Variants in TDRD12 observed in about 807,000 individuals in gnomAD.
The protein encoded by TDRD12 is tudor domain containing 12.
TDRD12 carries 158 observed loss-of-function variants against 133.5 expected under a neutral mutation model. That is an observed-to-expected ratio of 1.18 (90% CI 1.04 to 1.35). The LOEUF (loss-of-function observed/expected upper bound fraction) is 1.35. TDRD12 is among the 40% of genes most tolerant of loss of function. The pLI is 0.00. For missense variants in TDRD12, 1,443 were observed against 1,321.3 expected, an observed-to-expected ratio of 1.09 and a Z score of -1.43; for synonymous variants, 460 against 477.9, an observed-to-expected ratio of 0.96 and a Z score of 0.49.
At chr19:32,811,457 T>C in intron 24 of TDRD12, 37 bp downstream of exon 24, 1 of 1,489,676 alleles carries the variant, frequency 6.7e-7, no homozygotes, top group Non-Finnish European at 9.0e-7. Context: ...TGTTGACTTT[T>C]AGAATATATT....
chr19:32,734,395 G>C (rs1205417989), intron 2 of TDRD12, among the ~76,000 whole-genome samples: 1 of 150,160 alleles, frequency 6.7e-6, no homozygotes, highest in East Asian at 2.0e-4. Flanking sequence ...TTGAAGATGG[G>C]GGTCTCACTC....
intron 8 of TDRD12, among the ~76,000 whole-genome samples, chr19:32,758,473 C>CA (rs778919978): frequency 5.3e-5 from 8 of 152,130 alleles, no homozygotes; most frequent in Non-Finnish European, 1.0e-4. Context: ...TTTCTCAATC[C>CA]AGTCTGTGTA....
intron 5 of TDRD12, among the ~76,000 whole-genome samples, chr19:32,749,286 G>A (rs745520412): frequency 1.3e-5 from 2 of 152,130 alleles, no homozygotes; most frequent in Non-Finnish European, 2.9e-5. Flanking sequence ...GTCCTCAGTG[G>A]CTCAGGCAAG....
At chr19:32,772,807 C>G (rs1035419180) in exon 9 of TDRD12, 2 of 1,512,848 alleles carry the variant, frequency 1.3e-6, no homozygotes, top group African/African-American at 2.8e-5. Context: ...AAAGACAAAT[C>G]TGAAAAGAAA....
chr19:32,798,195 A>G, intron 15 of TDRD12, 113 bp from the exon 16 acceptor site: 1 of 1,022,200 alleles, frequency 9.8e-7, no homozygotes, highest in Admixed American at 2.3e-5. Context: ...GGACAGAAAC[A>G]GTGTTTTACT....
In TDRD12 at chr19:32,777,780, G is replaced by A. The variant is rs562196168; in HGVS notation, c.1121+551G>A. On this transcript the variant is annotated intron_variant, in intron 11 of 27. Coordinates refer to ENST00000444215, the Ensembl canonical transcript of TDRD12. ...CCACCTCAGCCTCCCAAGTAGCTGGGACCATAGGCATGCACCACCATAACT... is the reference window on the plus strand; with the variant it reads ...CCACCTCAGCCTCCCAAGTAGCTGGAACCATAGGCATGCACCACCATAACT... Among the ~76,000 whole-genome samples the A allele has an allele frequency of 7.3e-5, 9 of 123,804 alleles. No homozygotes were observed. In the South Asian group the frequency reaches 2.2e-3, roughly 31 times the overall value. 81.2% of individuals were successfully genotyped at this position (123,804 alleles called of 152,430 possible). A position where few individuals can be genotyped will look rare whatever the true frequency, so the allele number is the denominator to read the frequency against.
chr19:32,736,533 T>C (rs545319013), intron 2 of TDRD12, among the ~76,000 whole-genome samples: 1 of 152,254 alleles, frequency 6.6e-6, no homozygotes, highest in Non-Finnish European at 1.5e-5. Flanking sequence ...CTATTCATGG[T>C]ATTTCTACAA....
At chr19:32,803,635 T>A (rs2145706699) in intron 21 of TDRD12, among the ~76,000 whole-genome samples, 1 of 152,260 alleles carries the variant, frequency 6.6e-6, no homozygotes, top group African/African-American at 2.4e-5. Flanking sequence ...AGAGGGCAAG[T>A]GGCAGGTCAT....
At chr19:32,801,391 C>T (rs1457435014) in intron 18 of TDRD12, among the ~76,000 whole-genome samples, 1 of 152,140 alleles carries the variant, frequency 6.6e-6, no homozygotes, top group Non-Finnish European at 1.5e-5. Flanking sequence ...CTTTCTGCAG[C>T]AGTCAGCTAG....
chr19:32,741,421 G>A (rs1208911658), intron 3 of TDRD12, among the ~76,000 whole-genome samples: 2 of 152,208 alleles, frequency 1.3e-5, no homozygotes, highest in Admixed American at 6.5e-5. Flanking sequence ...TGGCATACGT[G>A]TTTATCAGAC....
intron 4 of TDRD12, among the ~76,000 whole-genome samples, chr19:32,745,301 C>T (rs1315502652): frequency 6.6e-6 from 1 of 152,206 alleles, no homozygotes; most frequent in Non-Finnish European, 1.5e-5. Context: ...CCCTTCCCCA[C>T]CCAACCTAGG....
chr19:32,799,222 GA>G (rs1172553777), intron 16 of TDRD12, among the ~76,000 whole-genome samples: 2 of 135,384 alleles, frequency 1.5e-5, no homozygotes, highest in African/African-American at 6.5e-5. Context: ...CTTTGTTACT[GA>G]CTATGAGGCG....
At chr19:32,796,388 T>C (rs1422821833) in intron 14 of TDRD12, among the ~76,000 whole-genome samples, 1 of 152,082 alleles carries the variant, frequency 6.6e-6, no homozygotes, top group African/African-American at 2.4e-5. Flanking sequence ...AGATCGAGAC[T>C]ATCCTGGCCA....
chr19:32,721,365 GTTTTA>G (rs1332610420), intron 1 of TDRD12, among the ~76,000 whole-genome samples: 8 of 151,690 alleles, frequency 5.3e-5, no homozygotes, highest in Non-Finnish European at 1.2e-4. Flanking sequence ...TTGTGGGATT[GTTTTA>G]TTTTATTTTA....
chr19:32,740,635 GC>G (rs767750282), intron 3 of TDRD12, among the ~76,000 whole-genome samples: 3 of 152,176 alleles, frequency 2.0e-5, no homozygotes, highest in Non-Finnish European at 4.4e-5. Flanking sequence ...CTGCTCTCCT[GC>G]CTGTCCTCAG....
chr19:32,796,985 T>TTC (rs199977921), intron 14 of TDRD12, among the ~76,000 whole-genome samples: 27 of 147,380 alleles, frequency 1.8e-4, no homozygotes, highest in East Asian at 4.3e-4. Context: ...GTTCGTCTTT[T>TTC]TTTTTTTTTT....
intron 1 of TDRD12, among the ~76,000 whole-genome samples, chr19:32,724,941 T>G (rs577891657): frequency 2.6e-5 from 4 of 152,360 alleles, no homozygotes; most frequent in African/African-American, 9.6e-5. Context: ...CATTGTGGTT[T>G]TGATTTGCAT....
At chr19:32,740,363 G>C (rs1312416111) in intron 3 of TDRD12, among the ~76,000 whole-genome samples, 62 of 96,082 alleles carry the variant, frequency 6.5e-4, no homozygotes, top group African/African-American at 1.9e-3. Context: ...CCTGGGTGCT[G>C]TCTGCATCTC....
intron 3 of TDRD12, among the ~76,000 whole-genome samples, chr19:32,742,489 A>G (rs1048004184): frequency 6.6e-6 from 1 of 151,972 alleles, no homozygotes; most frequent in Non-Finnish European, 1.5e-5. Flanking sequence ...TGTTTTCCTA[A>G]ACTCCTACCC....
Sources: allele counts gnomAD v4.1 joint callset (sites outside exome capture counted in the v4.1 genomes callset), GRCh38; gene constraint gnomAD v4.1.1; transcripts MANE v1.5; gene names NCBI Gene and HGNC (gene_info 2026-07-23, HGNC 2026-07-21).